Variants in CRMP1 observed in about 807,000 individuals in gnomAD.
The protein encoded by CRMP1 is collapsin response mediator protein 1.
In CRMP1, 19 loss-of-function variants were observed where a neutral mutation model predicts 68.3. The observed-to-expected ratio is 0.28, with a 90% CI of 0.19 to 0.41. CRMP1 has a LOEUF of 0.41. Among genes scored for constraint, CRMP1 ranks in the 10% least tolerant of loss-of-function variants. CRMP1 has a pLI of 1.00. For synonymous variants in CRMP1, 439 were observed against 399.6 expected (o/e 1.10, Z -1.18); for missense variants, 791 against 967.4 (o/e 0.82, Z 2.42).
chr4:5,837,043 A>T, intron 9 of CRMP1, 137 bp from the exon 10 acceptor site: 1 of 974,964 alleles, frequency 1.0e-6, no homozygotes, highest in Non-Finnish European at 1.5e-6. Context: ...GAGACTCTCT[A>T]GCGTGTGCCT....
At position 5,858,550 on chromosome 4, in the gene CRMP1, C is replaced by G. The variant is rs1713305057; in HGVS notation, c.656-2243G>C. 6.6e-6 allele frequency among the ~76,000 whole-genome samples: 1 copy of G among 152,138 alleles called. No individual in the cohort carries two copies. Among genetic ancestry groups the G allele is most frequent in the Non-Finnish European group, 1.5e-5 (1 of 68,028 alleles). ...GCTGTTGACTGGCCTCCTCCATATC[C>G]CTGGAGCTGTCCAATTCTGCCCACT... On this transcript the variant is annotated intron_variant, in intron 3 of 13. Coordinates refer to ENST00000324989, the MANE Select transcript of CRMP1 (RefSeq NM_001014809.3). This position sits in a 1 kb window ranked among gnomAD's most constrained non-coding sequence, Gnocchi z 5.5.
At chr4:5,868,290 T>TATATATATATATCTATATATAG (rs1714175462) in intron 1 of CRMP1, among the ~76,000 whole-genome samples, 5 of 131,362 alleles carry the variant, frequency 3.8e-5, no homozygotes, top group African/African-American at 1.3e-4. Flanking sequence ...TATATATATA[T>TATATATATATATCTATATATAG]ATATATATAT....
Position 5,861,316 on chromosome 4 carries a change from T to A in CRMP1, c.471-106A>T. ...AAATAAACATTTCTGAGCCAGGCCC[T>A]TCACAAGGCCCTGGGGAGACAGAGA... is the stretch of plus-strand genomic sequence containing the variant. On this transcript the variant is annotated intron_variant, in intron 2 of 13. Coordinates refer to ENST00000324989, the MANE Select transcript of CRMP1 (RefSeq NM_001014809.3). This position sits in a 1 kb window ranked among gnomAD's most constrained non-coding sequence, Gnocchi z 6.0. The A allele has an allele frequency of 8.7e-7, 1 of 1,145,020 alleles. No homozygotes were observed. Among genetic ancestry groups the A allele is most frequent in the Non-Finnish European group, 1.3e-6 (1 of 797,280 alleles). The allele number at this position is 1,145,020 out of a possible 1,614,324, so 70.9% of individuals were successfully genotyped here.
At chr4:5,833,840 C>A (rs902334836) in intron 11 of CRMP1, among the ~76,000 whole-genome samples, 7 of 152,068 alleles carry the variant, frequency 4.6e-5, no homozygotes, top group African/African-American at 1.4e-4. Flanking sequence ...GTCAGGAGAT[C>A]GAGACCATCC....
Position 5,861,662 on chromosome 4 carries a change from C to T in CRMP1, c.471-452G>A, listed in dbSNP as rs528093018. On this transcript the variant is annotated intron_variant, in intron 2 of 13. Transcript: ENST00000324989. This position sits in a 1 kb window ranked among gnomAD's most constrained non-coding sequence, Gnocchi z 6.0. ...CCTACGAAATGAGAAACGAAGCCCC[C>T]GGGGATCTCCATGGGTGACTTATTG... Among the ~76,000 whole-genome samples the T allele has an allele frequency of 5.3e-5, 8 of 152,152 alleles. No individual in the cohort carries two copies. Among genetic ancestry groups the T allele is most frequent in the South Asian group, 2.1e-4 (1 of 4,814 alleles).
At position 5,850,216 on chromosome 4, in the gene CRMP1, G is replaced by A. The variant is rs1712518591; in HGVS notation, c.883-744C>T. Among the ~76,000 whole-genome samples the A allele has an allele frequency of 6.6e-6, 1 of 152,150 alleles. No homozygotes were observed. Among genetic ancestry groups the A allele is most frequent in the African/African-American group, 2.4e-5 (1 of 41,442 alleles). ...CCCCTCGGATGTCTGCTTTCCGACA[G>A]ACATCCCTATTTCAGCAAATAGGGA... On this transcript the variant is annotated intron_variant, in intron 5 of 13. Coordinates refer to ENST00000324989, the MANE Select transcript of CRMP1 (RefSeq NM_001014809.3). This position sits in a 1 kb window ranked among gnomAD's most constrained non-coding sequence, Gnocchi z 4.4.
chr4:5,852,694 C>A (rs561170839), intron 4 of CRMP1, among the ~76,000 whole-genome samples: 1 of 152,208 alleles, frequency 6.6e-6, no homozygotes. Flanking sequence ...GTGAGTAAGA[C>A]GACAAGTCCC....
chr4:5,880,459 G>C (rs771623050), intron 1 of CRMP1, among the ~76,000 whole-genome samples: 1 of 152,162 alleles, frequency 6.6e-6, no homozygotes, highest in South Asian at 2.1e-4. Flanking sequence ...CCTTTTTGCT[G>C]TATGTAATTC....
In CRMP1 at chr4:5,860,065, C is replaced by T. The variant is rs1713422212; in HGVS notation, c.655+961G>A. 6.6e-6 allele frequency among the ~76,000 whole-genome samples: 1 copy of T among 152,130 alleles called. No individual in the cohort carries two copies. Among genetic ancestry groups the T allele is most frequent in the African/African-American group, 2.4e-5 (1 of 41,432 alleles). ...GGGCAATGGAGGAGGAGTCCAGTTT[C>T]CCAGACCGAGCACTGCTGGGGAGTG... is the stretch of plus-strand genomic sequence containing the variant. On this transcript the variant is annotated intron_variant, in intron 3 of 13. Coordinates refer to ENST00000324989, the MANE Select transcript of CRMP1 (RefSeq NM_001014809.3). The surrounding 1 kb of genome is among the most constrained non-coding windows in gnomAD (Gnocchi z 4.2).
rs984576 is a variant in CRMP1, at chr4:5,850,411, G to A, written c.883-939C>T. 0.51 allele frequency among the ~76,000 whole-genome samples: 78,072 copies of A among 152,006 alleles called. 22,028 individuals are homozygous for A. The highest frequency in any genetic ancestry group is 0.85 in the East Asian group (4,377 of 5,154). ...ACTGAACCAATTTTCAGCTCTTTGA[G>A]TGTCTTTTGTTGACTGTATCAAAGG... On this transcript the variant is annotated intron_variant, in intron 5 of 13. Transcript: ENST00000324989. The surrounding 1 kb of genome is among the most constrained non-coding windows in gnomAD (Gnocchi z 4.4).
intron 1 of CRMP1, among the ~76,000 whole-genome samples, chr4:5,868,279 A>ATATC (rs1714162179): frequency 2.3e-5 from 2 of 86,874 alleles, no homozygotes; most frequent in African/African-American, 5.6e-5. Flanking sequence ...ATATATATAT[A>ATATC]TATATATATA....
At position 5,841,880 on chromosome 4, in the gene CRMP1, C is replaced by A. The variant is rs1711759407; in HGVS notation, c.1033-452G>T. On this transcript the variant is annotated intron_variant, in intron 7 of 13. Coordinates refer to ENST00000324989, the MANE Select transcript of CRMP1 (RefSeq NM_001014809.3). This position sits in a 1 kb window ranked among gnomAD's most constrained non-coding sequence, Gnocchi z 6.9. ...CTCGGTAATGACCTGATGAGGACAT[C>A]AGAAAATGTCCTCAACTTGGCCAGG... 6.6e-6 allele frequency among the ~76,000 whole-genome samples: 1 copy of A among 152,178 alleles called. No individual in the cohort carries two copies. The highest frequency in any genetic ancestry group is 1.5e-5 in the Non-Finnish European group (1 of 68,030).
In CRMP1 at chr4:5,850,384, T is replaced by C. The variant is rs1712536446; in HGVS notation, c.883-912A>G. On this transcript the variant is annotated intron_variant, in intron 5 of 13. Transcript: ENST00000324989. The surrounding 1 kb of genome is among the most constrained non-coding windows in gnomAD (Gnocchi z 4.4). ...CACATCACATGCTATGTTTTCTATG[T>C]AACTGAACCAATTTTCAGCTCTTTG... 6.6e-6 allele frequency among the ~76,000 whole-genome samples: 1 copy of C among 152,210 alleles called. No individual in the cohort carries two copies. Among genetic ancestry groups the C allele is most frequent in the Non-Finnish European group, 1.5e-5 (1 of 68,040 alleles).
Position 5,842,951 on chromosome 4 carries a change from G to A in CRMP1, c.1032+142C>T. 1 of 779,188 alleles carries A rather than the reference G, an allele frequency of 1.3e-6. No individual in the cohort carries two copies. The highest frequency in any genetic ancestry group is 1.7e-5 in the South Asian group (1 of 58,086). The allele number at this position is 779,188 out of a possible 1,614,324, so 48.3% of individuals were successfully genotyped here. ...AGCCAGCAGTCCCCAGGGTTCCCGG[G>A]GAAAACAAGATGGTTTGGGATGGTC... On this transcript the variant is annotated intron_variant, in intron 7 of 13. Transcript: ENST00000324989. The surrounding 1 kb of genome is among the most constrained non-coding windows in gnomAD (Gnocchi z 4.5).
In CRMP1 at chr4:5,841,189, G is replaced by T. The variant is rs146205840; in HGVS notation, c.1153+119C>A. ...CCATCCTTGTGTCAGGAGCATCCCC[G>T]CTCCACCCCTCCCTCCTCCGGCTGC... On this transcript the variant is annotated intron_variant, in intron 8 of 13. Transcript: ENST00000324989. The surrounding 1 kb of genome is among the most constrained non-coding windows in gnomAD (Gnocchi z 6.9). The T allele has an allele frequency of 0.015, 21,937 of 1,507,502 alleles. 202 individuals carry two copies. The highest frequency in any genetic ancestry group is 0.018 in the Non-Finnish European group (19,549 of 1,094,522). 93.4% of individuals were successfully genotyped at this position (1,507,502 alleles called of 1,614,324 possible). A position where few individuals can be genotyped will look rare whatever the true frequency, so the allele number is the denominator to read the frequency against.
intron 11 of CRMP1, 123 bp from the exon 12 acceptor site, chr4:5,828,791 A>G (rs1720090261): frequency 8.3e-7 from 1 of 1,197,976 alleles, no homozygotes; most frequent in South Asian, 1.6e-5. Context: ...TTCTCTCTAA[A>G]AATACCTTTT....
At chr4:5,851,586 T>G in intron 4 of CRMP1, 117 bp from the exon 5 acceptor site, 2 of 1,027,096 alleles carry the variant, frequency 1.9e-6, no homozygotes, top group Non-Finnish European at 3.0e-6. Flanking sequence ...TGAGTGCCAT[T>G]GGGATCCCCA....
rs148593249 is a variant in CRMP1 at position 5,883,655 on chromosome 4, G to GAC, written c.381+8932_381+8933dup. Among the ~76,000 whole-genome samples the GAC allele has an allele frequency of 0.074, 11,078 of 149,642 alleles. 425 individuals are homozygous for GAC. Among genetic ancestry groups the GAC allele is most frequent in the South Asian group, 0.1 (482 of 4,700 alleles). On this transcript the variant is annotated intron_variant, in intron 1 of 13. Transcript: ENST00000324989. The surrounding 1 kb of genome is among the most constrained non-coding windows in gnomAD (Gnocchi z 4.5). ...AGATGGCAAGATAATTAAGGTCAGG[G>GAC]ACACACACACACACACACACACACA...
intron 12 of CRMP1, chr4:5,827,940 C>T: frequency 2.9e-6 from 2 of 680,134 alleles, no homozygotes; most frequent in Non-Finnish European, 3.6e-6. Context: ...GACAGATGTC[C>T]TGAGGTCAGT....
Sources: allele counts gnomAD v4.1 joint callset (sites outside exome capture counted in the v4.1 genomes callset), GRCh38; gene constraint gnomAD v4.1.1; non-coding constraint Gnocchi (gnomAD v3.1); transcripts MANE v1.5; gene names NCBI Gene and HGNC (gene_info 2026-07-23, HGNC 2026-07-21).